The following EEA1 variants were observed in gnomAD, a reference collection of about 807,000 sequenced individuals.
EEA1 encodes early endosome antigen 1.
EEA1 carries 111 observed loss-of-function variants against 209.2 expected under a neutral mutation model. That is an observed-to-expected ratio of 0.53 (90% confidence interval 0.45 to 0.62). The LOEUF is 0.62. Ranked by LOEUF, EEA1 falls within the 20% of genes least tolerant of loss-of-function variation. EEA1 has a pLI of 0.00. For missense variants in EEA1, 1,343 were observed against 1,530.8 expected (o/e 0.88, Z 2.05); for synonymous variants, 536 against 540.6 (o/e 0.99, Z 0.12).
chr12:92,822,124 G>A (rs1337466941), intron 13 of EEA1, among the ~76,000 whole-genome samples: 1 of 151,344 alleles, frequency 6.6e-6, no homozygotes, highest in African/African-American at 2.4e-5. Context: ...CTCCCCCATT[G>A]TATCCGTTAC....
rs758878115 is a variant in EEA1 at position 92,891,645 on chromosome 12, T to C, written c.101A>G (p.Asn34Ser). The C allele has an allele frequency of 1.1e-4, 171 of 1,605,148 alleles. No homozygotes were observed. Among genetic ancestry groups the C allele is most frequent in the Non-Finnish European group, 1.4e-4 (160 of 1,176,736 alleles). The part of the protein sequence containing the change: ...ATPINTVDVN[N>S]ESSSEGFICP... The stretch of plus-strand genomic sequence containing the variant: ...TTTTCATACCTCTGAAGAGCTTTCA[T>C]TATTGACGTCCACTGTGTTTATAGG... Residue 34 changes from asparagine to serine, a missense_variant, in exon 2 of 29, where the codon AAT (asparagine) becomes AGT (serine). Around this residue, in one of 3 missense-constraint regions of EEA1, gnomAD observed 1,307 missense variants for 1,465.5 expected, o/e 0.89. Transcript: ENST00000322349.
intron 5 of EEA1, among the ~76,000 whole-genome samples, chr12:92,856,693 C>A (rs8181776): frequency 0.62 from 92,434 of 149,730 alleles, 29,262 homozygotes; most frequent in East Asian, 0.94. Context: ...TTTTTTTTAA[C>A]CATTTAGGTA....
chr12:92,787,931 T>A lies in EEA1; in HGVS notation c.3086A>T (p.Lys1029Ile), dbSNP rs151233522. 10 of 1,613,160 alleles carry A rather than the reference T, an allele frequency of 6.2e-6. No individual in the cohort carries two copies. The highest frequency in any genetic ancestry group is 8.5e-6 in the Non-Finnish European group (10 of 1,179,630). Residue 1029 changes from lysine (K) to isoleucine (I), a missense_variant, in exon 22 of 29, where the codon AAA (lysine) becomes ATA (isoleucine). Coordinates refer to ENST00000322349, the MANE Select transcript of EEA1 (RefSeq NM_003566.4). ...NNYEKSQETFKQLQSDFYGRE... is the reference protein window; with the variant it reads ...NNYEKSQETFIQLQSDFYGRE... Reference sequence around the variant, plus strand: ...CCCATAGAAATCAGATTGAAGCTGTTTGAAAGTTTCCTGACTTTTTTCATA... The same window carrying A: ...CCCATAGAAATCAGATTGAAGCTGTATGAAAGTTTCCTGACTTTTTTCATA...
intron 1 of EEA1, among the ~76,000 whole-genome samples, chr12:92,906,031 T>C (rs1481704180): frequency 6.6e-6 from 1 of 151,890 alleles, no homozygotes. Flanking sequence ...CTCAGCCTAC[T>C]GAGTAGCTAG....
chr12:92,853,435 T>C (rs1877725468), intron 6 of EEA1, among the ~76,000 whole-genome samples: 1 of 152,134 alleles, frequency 6.6e-6, no homozygotes. Flanking sequence ...CCTATCAGTA[T>C]CCCAAAGTGT....
intron 25 of EEA1, among the ~76,000 whole-genome samples, chr12:92,778,835 G>A (rs570013272): frequency 5.9e-5 from 9 of 152,082 alleles, no homozygotes; most frequent in African/African-American, 7.2e-5. Context: ...CCAGATCTAC[G>A]TAGTTGTGGG....
intron 21 of EEA1, among the ~76,000 whole-genome samples, chr12:92,796,459 T>A (rs1290878037): frequency 7.9e-6 from 1 of 126,664 alleles, no homozygotes; most frequent in African/African-American, 2.6e-5. Context: ...GTATTACTTT[T>A]TATTTATATA....
chr12:92,908,481 A>C (rs1216930666), intron 1 of EEA1, among the ~76,000 whole-genome samples: 1 of 152,214 alleles, frequency 6.6e-6, no homozygotes, highest in Non-Finnish European at 1.5e-5. Flanking sequence ...ATTTAAAAAA[A>C]ATTTTTTTAA....
intron 9 of EEA1, among the ~76,000 whole-genome samples, chr12:92,847,306 T>A (rs903266861): frequency 6.6e-6 from 1 of 152,224 alleles, no homozygotes; most frequent in Non-Finnish European, 1.5e-5. Context: ...GTTTTGTTTC[T>A]GATGCCAATA....
chr12:92,828,147 C>T lies in EEA1; in HGVS notation c.1255-86G>A, dbSNP rs902682450. 5.4e-6 allele frequency: 6 copies of T among 1,102,110 alleles called. No individual in the cohort carries two copies. In the Admixed American group the frequency reaches 2.1e-4, roughly 38 times the overall value. 68.3% of individuals were successfully genotyped at this position (1,102,110 alleles called of 1,614,324 possible). Reference sequence around the variant, plus strand: ...ACTTTCCAAACAATGTTTTACTTTTCACCAAAATAAGTACAATATCTTAAT... The same window carrying T: ...ACTTTCCAAACAATGTTTTACTTTTTACCAAAATAAGTACAATATCTTAAT... On this transcript the variant is annotated intron_variant, in intron 11 of 28. Coordinates refer to ENST00000322349, the MANE Select transcript of EEA1 (RefSeq NM_003566.4).
intron 15 of EEA1, 120 bp downstream of exon 15, chr12:92,816,076 TTATC>T (rs1875769196): frequency 1.2e-6 from 1 of 818,154 alleles, no homozygotes; most frequent in African/African-American, 1.7e-5. Context: ...GATATAGCCT[TTATC>T]TAATTCTTAT....
At chr12:92,778,243 A>T in intron 25 of EEA1, 64 bp from the exon 26 acceptor site, 1 of 1,284,520 alleles carries the variant, frequency 7.8e-7, no homozygotes, top group Non-Finnish European at 1.1e-6. Flanking sequence ...AATGTAAGTG[A>T]TTTATTACAT....
At chr12:92,804,299 A>G (rs7132322) in intron 18 of EEA1, among the ~76,000 whole-genome samples, 145,325 of 152,264 alleles carry the variant, frequency 0.95, 69,386 homozygotes, top group East Asian at 1. Flanking sequence ...AGGGCCAGGC[A>G]CGGTGGCTCA....
chr12:92,818,912 A>G (rs1359066868), intron 14 of EEA1, among the ~76,000 whole-genome samples: 1 of 152,228 alleles, frequency 6.6e-6, no homozygotes, highest in Non-Finnish European at 1.5e-5. Flanking sequence ...ATCAATACAC[A>G]GTAAAAACTA....
At chr12:92,876,689 A>G (rs1171831677) in intron 2 of EEA1, among the ~76,000 whole-genome samples, 2 of 152,146 alleles carry the variant, frequency 1.3e-5, no homozygotes, top group African/African-American at 4.8e-5. Context: ...GGTGAGGTAC[A>G]GAGATTAGCT....
At chr12:92,906,758 G>A (rs981335431) in intron 1 of EEA1, among the ~76,000 whole-genome samples, 3 of 152,098 alleles carry the variant, frequency 2.0e-5, no homozygotes, top group African/African-American at 4.8e-5. Flanking sequence ...AGCTTGCAGT[G>A]AGCCAAGATT....
intron 9 of EEA1, among the ~76,000 whole-genome samples, chr12:92,842,847 C>T (rs984134801): frequency 1.3e-5 from 2 of 152,148 alleles, no homozygotes; most frequent in Non-Finnish European, 2.9e-5. Context: ...TCTGAAGTAT[C>T]AAATTGCAAA....
chr12:92,788,257 A>G (rs1874227203), intron 21 of EEA1, among the ~76,000 whole-genome samples: 1 of 151,630 alleles, frequency 6.6e-6, no homozygotes, highest in African/African-American at 2.4e-5. Flanking sequence ...CATAAAATAC[A>G]AAAGTAATTA....
Position 92,819,345 on chromosome 12 carries a change from T to A in EEA1, c.1691A>T (p.Asn564Ile). The A allele has an allele frequency of 6.2e-7, 1 of 1,612,362 alleles. No homozygotes were observed. The highest frequency in any genetic ancestry group is 8.5e-7 in the Non-Finnish European group (1 of 1,179,230). The change falls in exon 14 of 29, where the codon AAC (asparagine) becomes ATC (isoleucine). Residue 564 changes from asparagine to isoleucine, a missense_variant. Physicochemically the swap from Asn to Ile is moderately radical, Grantham distance 149. Coordinates refer to ENST00000322349, the MANE Select transcript of EEA1 (RefSeq NM_003566.4). ...TGTATGGTTTTTTTCTTGTAACTGG[T>A]TAAGAACAGCAGTCTCTCCTTCACC... ...QAGEGETAVL[N>I]QLQEKNHTLQ...
Sources: gnomAD v4.1 joint callset for allele counts (sites outside exome capture counted in the v4.1 genomes callset) on GRCh38, gnomAD v4.1.1 for gene constraint, gnomAD v4.1.1 regional missense constraint, MANE v1.5 for transcripts, NCBI Gene and HGNC (gene_info 2026-07-23, HGNC 2026-07-21) for gene names.